The following LIMA1 variants were observed in gnomAD, a reference collection of about 807,000 sequenced individuals.
LIMA1 encodes LIM domain and actin-binding protein 1.
In LIMA1, 52 loss-of-function variants were observed where a neutral mutation model predicts 62.6. That is an observed-to-expected ratio of 0.83 (90% CI 0.67 to 1.05). LIMA1 has a LOEUF of 1.05. Among genes scored for constraint, LIMA1 ranks in the 50% least tolerant of loss-of-function variants. The pLI is 0.00. For missense variants in LIMA1, 780 were observed against 902.2 expected (o/e 0.86, Z 1.74); for synonymous variants, 302 against 317.8 (o/e 0.95, Z 0.53).
At chr12:50,215,764 C>T (rs977314790) in intron 4 of LIMA1, among the ~76,000 whole-genome samples, 1 of 152,144 alleles carries the variant, frequency 6.6e-6, no homozygotes, top group Non-Finnish European at 1.5e-5. Context: ...CGAGCCACCG[C>T]GCCCGGCCTG....
chr12:50,222,722 G>A, intron 3 of LIMA1: 7 of 1,394,920 alleles, frequency 5.0e-6, no homozygotes, highest in Non-Finnish European at 4.7e-6. Flanking sequence ...AAACAGGATG[G>A]CCTTATAAGG....
intron 1 of LIMA1, among the ~76,000 whole-genome samples, chr12:50,258,485 CAG>C (rs1225661131): frequency 6.6e-6 from 1 of 151,766 alleles, no homozygotes; most frequent in African/African-American, 2.4e-5. Context: ...TTTGTAGAGA[CAG>C]AGTCTCCCCG....
chr12:50,181,102 ACT>A (rs1940490825), intron 10 of LIMA1, among the ~76,000 whole-genome samples: 1 of 131,580 alleles, frequency 7.6e-6, no homozygotes, highest in Non-Finnish European at 1.6e-5. Context: ...ACAGAGTGAG[ACT>A]CTGTATCCAA....
chr12:50,248,391 T>A (rs571786989), intron 2 of LIMA1, among the ~76,000 whole-genome samples: 7 of 152,330 alleles, frequency 4.6e-5, no homozygotes, highest in South Asian at 2.1e-4. Context: ...TTATCTTTTT[T>A]AAAATAATTT....
chr12:50,244,564 G>T (rs757329291), intron 2 of LIMA1, among the ~76,000 whole-genome samples: 3 of 152,100 alleles, frequency 2.0e-5, no homozygotes, highest in Non-Finnish European at 4.4e-5. Context: ...TCTATCAAGG[G>T]TCTAGCATGG....
intron 10 of LIMA1, among the ~76,000 whole-genome samples, chr12:50,179,333 G>C (rs1038631928): frequency 6.6e-6 from 1 of 151,936 alleles, no homozygotes; most frequent in Non-Finnish European, 1.5e-5. Flanking sequence ...GTAGAGACGG[G>C]GTTTCACCAT....
In LIMA1 at chr12:50,178,467, A is replaced by G. The variant is rs528530194; in HGVS notation, c.1275-398T>C. On this transcript the variant is annotated intron_variant, in intron 10 of 10. Coordinates refer to ENST00000341247, the MANE Select transcript of LIMA1 (RefSeq NM_016357.5). ...GAAGCTGAAGTGGGAGAATCACTTGAACCCGGGAGGCAGAGGTTGCAGTGA... is the reference window on the plus strand; with the variant it reads ...GAAGCTGAAGTGGGAGAATCACTTGGACCCGGGAGGCAGAGGTTGCAGTGA... Among the ~76,000 whole-genome samples, 665 of 152,004 alleles carry G rather than the reference A, an allele frequency of 4.4e-3. 10 individuals carry two copies. Among genetic ancestry groups the G allele is most frequent in the African/African-American group, 0.015 (631 of 41,438 alleles).
At chr12:50,215,156 C>T (rs1054751200) in intron 4 of LIMA1, among the ~76,000 whole-genome samples, 40 of 152,232 alleles carry the variant, frequency 2.6e-4, no homozygotes, top group African/African-American at 7.5e-4. Flanking sequence ...TCTACTACAT[C>T]AGCGCATATA....
chr12:50,217,334 C>A (rs1032066160), intron 4 of LIMA1, among the ~76,000 whole-genome samples: 1 of 151,964 alleles, frequency 6.6e-6, no homozygotes, highest in Non-Finnish European at 1.5e-5. Context: ...CAAGTGACTT[C>A]ACTGCAGTGG....
intron 9 of LIMA1, 73 bp from the exon 10 acceptor site, chr12:50,182,110 T>C (rs1940518242): frequency 6.4e-7 from 1 of 1,561,204 alleles, no homozygotes; most frequent in African/African-American, 1.4e-5. Context: ...GACCCTAGAA[T>C]TTACTTTGTC....
chr12:50,178,962 A>AT lies in LIMA1; in HGVS notation c.1275-894dup, dbSNP rs1168217018. ...ACGGTATATAAATACATATATATATATATATTTTTTTTTTCTTTTTCTTTT... is the reference window on the plus strand; with the variant it reads ...ACGGTATATAAATACATATATATATATTATATTTTTTTTTTCTTTTTCTTTT... On this transcript the variant is annotated intron_variant, in intron 10 of 10. Coordinates refer to ENST00000341247, the MANE Select transcript of LIMA1 (RefSeq NM_016357.5). 4.9e-3 allele frequency among the ~76,000 whole-genome samples: 470 copies of AT among 95,512 alleles called. 1 individual carries two copies. Among genetic ancestry groups the AT allele is most frequent in the African/African-American group, 0.016 (434 of 26,476 alleles). 62.7% of individuals were successfully genotyped at this position (95,512 alleles called of 152,430 possible). A position where few individuals can be genotyped will look rare whatever the true frequency, so the allele number is the denominator to read the frequency against.
chr12:50,230,514 G>A (rs906682822), intron 3 of LIMA1, among the ~76,000 whole-genome samples: 1 of 152,160 alleles, frequency 6.6e-6, no homozygotes, highest in Non-Finnish European at 1.5e-5. Context: ...AGGCAAGAGG[G>A]AAGGAAGAAA....
intron 2 of LIMA1, among the ~76,000 whole-genome samples, chr12:50,233,697 T>C (rs1185703116): frequency 6.6e-6 from 1 of 152,148 alleles, no homozygotes; most frequent in Admixed American, 6.5e-5. Context: ...CTAATTTTTG[T>C]ATTTTTTACT....
At chr12:50,179,865 G>A (rs1940455126) in intron 10 of LIMA1, among the ~76,000 whole-genome samples, 1 of 151,312 alleles carries the variant, frequency 6.6e-6, no homozygotes, top group South Asian at 2.1e-4. Context: ...CTCAGTCTCA[G>A]CCTCCCCAAA....
chr12:50,259,090 T>C (rs1180290895), intron 1 of LIMA1, among the ~76,000 whole-genome samples: 1 of 152,224 alleles, frequency 6.6e-6, no homozygotes, highest in African/African-American at 2.4e-5. Context: ...GAACTTTGAT[T>C]TCTGAAAACA....
intron 5 of LIMA1, among the ~76,000 whole-genome samples, chr12:50,205,493 T>C (rs1941134551): frequency 6.6e-6 from 1 of 152,304 alleles, no homozygotes; most frequent in South Asian, 2.1e-4. Context: ...TTTTTTCTTT[T>C]GTGAAGTGCC....
In LIMA1 at chr12:50,181,957, C is replaced by A; in HGVS notation, c.1221G>T (p.Gln407His). 1 of 1,613,894 alleles carries A rather than the reference C, an allele frequency of 6.2e-7. No individual in the cohort carries two copies. Among genetic ancestry groups the A allele is most frequent in the Non-Finnish European group, 8.5e-7 (1 of 1,180,038 alleles). ...GGAAGCAGCTGATGTGAAACACCTG[C>A]TGGTTGGCCAAGAGACGCTCCATTG... ...VYPMERLLAN[Q>H]QVFHISCFRC... The change falls in exon 10 of 11, where the codon CAG becomes CAT. Residue 407 changes from glutamine (Q) to histidine (H), a missense_variant. Transcript: ENST00000341247.
rs750550657 is a variant in LIMA1 at position 50,177,642 on chromosome 12, G to A, written c.1702C>T (p.Pro568Ser). The change falls in exon 11 of 11, where the codon CCT becomes TCT. Residue 568 changes from proline to serine, a missense_variant. By Grantham distance (74) the Pro-to-Ser change is moderately conservative. Coordinates refer to ENST00000341247, the MANE Select transcript of LIMA1 (RefSeq NM_016357.5). ...TTCAGATCTAGATCGACATCCTCAG[G>A]AACTTCGGGCTTGCTGATTTCGTCT... ...PEDEISKPEV[P>S]EDVDLDLKKL... is the part of the protein sequence containing the mutation. 6.2e-7 allele frequency: 1 copy of A among 1,608,058 alleles called. No individual in the cohort carries two copies. Among genetic ancestry groups the A allele is most frequent in the South Asian group, 1.1e-5 (1 of 90,180 alleles).
Position 50,240,047 on chromosome 12 carries a change from ATAACATAAC to A in LIMA1, c.120-8346_120-8338del, listed in dbSNP as rs879772052. Among the ~76,000 whole-genome samples the A allele has an allele frequency of 4.1e-3, 616 of 150,394 alleles. 8 individuals are homozygous for A. Among genetic ancestry groups the A allele is most frequent in the East Asian group, 0.038 (197 of 5,140 alleles). ...ATAACATAACATAACATAACATAAC[ATAACATAAC>A]ATAAAATAAAAAATTTTTAAAAGGA... On this transcript the variant is annotated intron_variant, in intron 2 of 10. Transcript: ENST00000341247.
Sources: allele counts gnomAD v4.1 joint callset (sites outside exome capture counted in the v4.1 genomes callset), GRCh38; gene constraint gnomAD v4.1.1; transcripts MANE v1.5; gene names NCBI Gene and HGNC (gene_info 2026-07-23, HGNC 2026-07-21).